Variants in CROCC observed in about 807,000 individuals in gnomAD.
CROCC encodes the protein ciliary rootlet coiled-coil, rootletin, also known as rootletin.
In CROCC, 180 loss-of-function variants were observed where a neutral mutation model predicts 245.2. The observed-to-expected ratio is 0.73, with a 90% confidence interval of 0.65 to 0.83. The LOEUF is 0.83. Among genes scored for constraint, CROCC ranks in the 40% least tolerant of loss-of-function variants. The probability of loss-of-function intolerance (pLI) is 0.00; values close to 1 mark genes in which losing one functional copy is unlikely to be tolerated. For missense variants in CROCC, 2,688 were observed against 2,779.4 expected, an observed-to-expected ratio of 0.97 and a Z score of 0.74; for synonymous variants, 1,205 against 1,241.6, an observed-to-expected ratio of 0.97 and a Z score of 0.62.
At position 16,948,484 on chromosome 1, in the gene CROCC, C is replaced by G. The variant is rs370831887; in HGVS notation, c.2668C>G (p.Arg890Gly). ...GLAVQLVAAEREGRTLSEEAT... is the reference protein window; with the variant it reads ...GLAVQLVAAEGEGRTLSEEAT... ...GGCTGTGCAGCTGGTGGCTGCGGAG[C>G]GTGAAGGCAGGACCCTGTCAGAGGA... Residue 890 changes from arginine (R) to glycine (G), a missense_variant, in exon 18 of 37, where the codon CGT (arginine) becomes GGT (glycine). Coordinates refer to ENST00000375541, the MANE Select transcript of CROCC (RefSeq NM_014675.5). 1 of 1,553,508 alleles carries G rather than the reference C, an allele frequency of 6.4e-7. No individual in the cohort carries two copies.
intron 17 of CROCC, 59 bp from the exon 18 acceptor site, chr1:16,948,272 G>A: frequency 6.8e-7 from 1 of 1,481,434 alleles, no homozygotes; most frequent in South Asian, 1.4e-5. Flanking sequence ...TTGGGGTGCT[G>A]CACGATGAAC....
In CROCC at chr1:16,966,280, C is replaced by T. The variant is rs747400001; in HGVS notation, c.4697-128C>T. On this transcript the variant is annotated intron_variant, in intron 29 of 36. Transcript: ENST00000375541. The surrounding 1 kb of genome is among the most constrained non-coding windows in gnomAD (Gnocchi z 4.8). ...GGACAGCCTCACCTGTGTGCAGGCC[C>T]GCATACTACGAAGGGTGCAGACAGT... 8 of 1,424,048 alleles carry T rather than the reference C, an allele frequency of 5.6e-6. No homozygotes were observed. The highest frequency in any genetic ancestry group is 4.3e-5 in the African/African-American group (3 of 69,946). 88.2% of individuals were successfully genotyped at this position (1,424,048 alleles called of 1,614,324 possible).
At chr1:16,942,870 C>T (rs1311666013) in intron 13 of CROCC, among the ~76,000 whole-genome samples, 1 of 152,272 alleles carries the variant, frequency 6.6e-6, no homozygotes, top group African/African-American at 2.4e-5. Context: ...TTTTGGGAGG[C>T]CAAGGCGGGT....
rs372100642 is a variant in CROCC at position 16,954,814 on chromosome 1, G to T, written c.3402G>T (p.Glu1134Asp). 6.4e-7 allele frequency: 1 copy of T among 1,552,074 alleles called. No individual in the cohort carries two copies. The highest frequency in any genetic ancestry group is 1.4e-5 in the African/African-American group (1 of 73,186). The change falls in exon 23 of 37, where the codon GAG becomes GAT. Residue 1134 changes from glutamate (E) to aspartate (D), a missense_variant. Glu to Asp is a conservative substitution (Grantham distance 45). This residue lies in a region of CROCC where 1,218 missense variants were observed against 1,286.3 expected (regional missense o/e 0.95). Coordinates refer to ENST00000375541, the MANE Select transcript of CROCC (RefSeq NM_014675.5). This position sits in a 1 kb window ranked among gnomAD's most constrained non-coding sequence, Gnocchi z 4.4. ...REEAAAAHAQEVRRLQEQARD... is the reference protein window; with the variant it reads ...REEAAAAHAQDVRRLQEQARD... ...AGGCTGCTGCGGCCCACGCCCAGGA[G>T]GTGAGGAGGCTGCAAGAGCAGGCCC...
chr1:16,923,902 A>G (rs2075468676), intron 2 of CROCC, among the ~76,000 whole-genome samples: 1 of 152,274 alleles, frequency 6.6e-6, no homozygotes, highest in African/African-American at 2.4e-5. Flanking sequence ...GCTAGTCTCA[A>G]ACTCCTGACC....
chr1:16,928,614 C>T (rs2075590775), intron 3 of CROCC, among the ~76,000 whole-genome samples: 1 of 151,812 alleles, frequency 6.6e-6, no homozygotes, highest in South Asian at 2.1e-4. Flanking sequence ...CCAGCCTGGC[C>T]AACATAGTGA....
upstream of CROCC, among the ~76,000 whole-genome samples, chr1:16,921,493 G>A (rs2075404260): frequency 2.0e-5 from 3 of 152,298 alleles, no homozygotes; most frequent in Admixed American, 2.0e-4. Context: ...TACACCTGTT[G>A]TGGGAAAACA....
Position 16,954,704 on chromosome 1 carries a change from G to A in CROCC, c.3322-30G>A, listed in dbSNP as rs1289095246. On this transcript the variant is annotated intron_variant, in intron 22 of 36. Coordinates refer to ENST00000375541, the MANE Select transcript of CROCC (RefSeq NM_014675.5). The surrounding 1 kb of genome is among the most constrained non-coding windows in gnomAD (Gnocchi z 4.4). ...AGCCCGGGGCTGGGGGACACAGCAG[G>A]ACCAAGTCTGAGGAGCCCCTCTGTC... 3 of 1,530,528 alleles carry A rather than the reference G, an allele frequency of 2.0e-6. No individual in the cohort carries two copies. Among genetic ancestry groups the A allele is most frequent in the Admixed American group, 2.0e-5 (1 of 50,074 alleles). 94.8% of individuals were successfully genotyped at this position (1,530,528 alleles called of 1,614,324 possible). A position where few individuals can be genotyped will look rare whatever the true frequency, so the allele number is the denominator to read the frequency against.
Position 16,936,651 on chromosome 1 carries a change from T to C in CROCC, c.971T>C (p.Leu324Pro), listed in dbSNP as rs745678841. Residue 324 changes from leucine to proline, a missense_variant, in exon 9 of 37, where the codon CTG becomes CCG. By Grantham distance (98) the Leu-to-Pro change is moderately conservative (BLOSUM62 -3). Coordinates refer to ENST00000375541, the MANE Select transcript of CROCC (RefSeq NM_014675.5). ...KMFTERDLLQ[L>P]GGELARTSRA... ...CTCTCCCGAAGGGACCTGCTGCAGC[T>C]GGGAGGGGAGCTGGCCCGGACATCA... is the stretch of plus-strand genomic sequence containing the variant. The C allele has an allele frequency of 1.1e-5, 18 of 1,591,730 alleles. No individual in the cohort carries two copies. Among genetic ancestry groups the C allele is most frequent in the Non-Finnish European group, 1.5e-5 (18 of 1,168,388 alleles).
intron 13 of CROCC, among the ~76,000 whole-genome samples, chr1:16,942,109 TA>T (rs1354783849): frequency 6.6e-6 from 1 of 152,256 alleles, no homozygotes; most frequent in African/African-American, 2.4e-5. Context: ...CTCCTAGGCT[TA>T]AGTGATCCTT....
At chr1:16,936,939 G>A in intron 9 of CROCC, 66 bp downstream of exon 9, 1 of 1,480,284 alleles carries the variant, frequency 6.8e-7, no homozygotes, top group Non-Finnish European at 9.3e-7. Context: ...GAGAGTTGGG[G>A]AGAAGGGAGC....
chr1:16,919,152 G>A (rs185067096), upstream of CROCC, among the ~76,000 whole-genome samples: 10 of 152,324 alleles, frequency 6.6e-5, no homozygotes, highest in Admixed American at 1.3e-4. Context: ...TTAGTTGGGC[G>A]TGAGCGGTCC....
At chr1:16,968,806 G>A (rs1380863958) in intron 31 of CROCC, among the ~76,000 whole-genome samples, 3 of 152,204 alleles carry the variant, frequency 2.0e-5, no homozygotes, top group Admixed American at 6.5e-5. Flanking sequence ...TTTTAGGGTC[G>A]TGGTGGTTTC....
chr1:16,917,067 G>A (rs1226765493), upstream of CROCC, among the ~76,000 whole-genome samples: 12 of 152,412 alleles, frequency 7.9e-5, no homozygotes, highest in South Asian at 2.1e-4. Flanking sequence ...GCAGTCAGCC[G>A]AGATCGTGCC....
At position 16,969,917 on chromosome 1, in the gene CROCC, C is replaced by G. The variant is rs758263959; in HGVS notation, c.5434C>G (p.Leu1812Val). 1.3e-6 allele frequency: 2 copies of G among 1,599,096 alleles called. No individual in the cohort carries two copies. Among genetic ancestry groups the G allele is most frequent in the South Asian group, 2.3e-5 (2 of 87,928 alleles). ...ELQRVEAEGQ[L>V]QQLREVLRQR... ...GCAGCGGGTGGAGGCCGAGGGCCAG[C>G]TACAACAGCTACGGGAGGTGAGGGC... The change falls in exon 33 of 37, where the codon CTA (leucine) becomes GTA (valine). Residue 1812 changes from leucine (L) to valine (V), a missense_variant. Leu to Val is a conservative substitution (Grantham distance 32). This residue lies in a region of CROCC where 1,218 missense variants were observed against 1,286.3 expected (regional missense o/e 0.95). Transcript: ENST00000375541.
intron 23 of CROCC, among the ~76,000 whole-genome samples, 158 bp from the exon 24 acceptor site, chr1:16,955,154 T>G (rs2076227873): frequency 1.3e-5 from 2 of 152,126 alleles, no homozygotes; most frequent in South Asian, 4.1e-4. Flanking sequence ...ACATTACTGA[T>G]TACAGCACGC....
intron 12 of CROCC, among the ~76,000 whole-genome samples, 172 bp downstream of exon 12, chr1:16,939,314 A>AC (rs1450894091): frequency 6.6e-6 from 1 of 152,084 alleles, no homozygotes; most frequent in East Asian, 1.9e-4. Flanking sequence ...GGGTGTCAGG[A>AC]CCCCCAAGGA....
At chr1:16,967,391 A>C (rs1570715423) in intron 30 of CROCC, among the ~76,000 whole-genome samples, 1 of 150,948 alleles carries the variant, frequency 6.6e-6, no homozygotes, top group Non-Finnish European at 1.5e-5. Context: ...TCCCCCCACC[A>C]CCCCCGCCCC....
chr1:16,964,091 G>A (rs531711325), intron 27 of CROCC, among the ~76,000 whole-genome samples: 47 of 151,390 alleles, frequency 3.1e-4, no homozygotes, highest in African/African-American at 1.0e-3. Context: ...CTGAGCCACC[G>A]TGCCGGGCCC....
Sources: gnomAD v4.1 joint callset for allele counts (sites outside exome capture counted in the v4.1 genomes callset) on GRCh38, gnomAD v4.1.1 for gene constraint, gnomAD v4.1.1 regional missense constraint, Gnocchi (gnomAD v3.1) non-coding constraint, MANE v1.5 for transcripts, NCBI Gene and HGNC (gene_info 2026-07-23, HGNC 2026-07-21) for gene names.